Variants in BTRC observed in about 807,000 individuals in gnomAD.
BTRC encodes F-box/WD repeat-containing protein 1A.
A neutral mutation model predicts 85.5 loss-of-function variants in BTRC; 42 were observed. That is an observed-to-expected ratio of 0.49 (90% CI 0.38 to 0.64). BTRC has a LOEUF of 0.64. BTRC is among the 30% of genes least tolerant of loss of function. BTRC has a pLI of 0.00. For missense variants in BTRC, 594 were observed against 743.5 expected (o/e 0.80, Z 2.34); for synonymous variants, 255 against 263.3 (o/e 0.97, Z 0.30).
At position 101,366,986 on chromosome 10, in the gene BTRC, A is replaced by T. The variant is rs1181752245; in HGVS notation, c.48+12758A>T. ...TATATAAATATATATTTATATATTT[A>T]TATATATTAATATATATATTTATAT... is the stretch of plus-strand genomic sequence containing the variant. On this transcript the variant is annotated intron_variant, in intron 1 of 14. Transcript: ENST00000370187. Among the ~76,000 whole-genome samples the T allele has an allele frequency of 4.6e-5, 3 of 65,060 alleles. 1 individual carries two copies. Among genetic ancestry groups the T allele is most frequent in the Non-Finnish European group, 8.6e-5 (3 of 34,686 alleles). The allele number at this position is 65,060 out of a possible 152,430, so 42.7% of individuals were successfully genotyped here.
At chr10:101,467,936 T>A (rs1271949963) in intron 3 of BTRC, among the ~76,000 whole-genome samples, 2 of 152,228 alleles carry the variant, frequency 1.3e-5, no homozygotes, top group Non-Finnish European at 2.9e-5. Context: ...AATGTAGGTC[T>A]CTTAAGTAAG....
At chr10:101,509,563 T>A (rs1306876724) in intron 4 of BTRC, among the ~76,000 whole-genome samples, 1 of 150,068 alleles carries the variant, frequency 6.7e-6, no homozygotes. Context: ...CTTTTTTTTT[T>A]TTTTTTTGAG....
intron 3 of BTRC, among the ~76,000 whole-genome samples, chr10:101,467,926 A>C (rs1448626169): frequency 6.6e-6 from 1 of 152,208 alleles, no homozygotes; most frequent in African/African-American, 2.4e-5. Context: ...AAAGGTAATT[A>C]ATGTAGGTCT....
intron 4 of BTRC, among the ~76,000 whole-genome samples, chr10:101,502,392 G>GAA (rs71472576): frequency 1.4e-5 from 2 of 145,912 alleles, no homozygotes; most frequent in African/African-American, 5.0e-5. Context: ...GATTGAAAAT[G>GAA]AAAAAAAAAA....
intron 1 of BTRC, among the ~76,000 whole-genome samples, chr10:101,369,670 C>G (rs917007268): frequency 6.6e-6 from 1 of 152,174 alleles, no homozygotes; most frequent in Non-Finnish European, 1.5e-5. Flanking sequence ...AGCCATCATA[C>G]TGGACACACC....
intron 4 of BTRC, among the ~76,000 whole-genome samples, chr10:101,483,602 A>AT (rs1469782275): frequency 6.6e-6 from 1 of 152,140 alleles, no homozygotes; most frequent in Non-Finnish European, 1.5e-5. Flanking sequence ...CAAAAAAAAA[A>AT]CTGAAAATGT....
chr10:101,493,340 A>G (rs528117882), intron 4 of BTRC, among the ~76,000 whole-genome samples: 1 of 152,270 alleles, frequency 6.6e-6, no homozygotes, highest in Non-Finnish European at 1.5e-5. Flanking sequence ...TGTACTAGGC[A>G]TATACATTTT....
Position 101,534,731 on chromosome 10 carries a change from C to G in BTRC, c.1168C>G (p.Arg390Gly). The G allele has an allele frequency of 1.2e-6, 2 of 1,614,160 alleles. No homozygotes were observed. The highest frequency in any genetic ancestry group is 2.2e-5 in the East Asian group (1 of 44,880). Residue 390 changes from arginine to glycine, a missense_variant, in exon 10 of 15, where the codon CGT becomes GGT. Arg to Gly is a moderately radical substitution (Grantham distance 125). Around this residue, in one of 4 missense-constraint regions of BTRC, gnomAD observed 373 missense variants for 503.6 expected, o/e 0.74. Transcript: ENST00000370187. Reference protein sequence around the residue: ...IHHCEAVLHLRFNNGMMVTCS... With the variant: ...IHHCEAVLHLGFNNGMMVTCS... ...CCATTGTGAAGCAGTTCTGCACTTGCGTTTCAATAATGGCATGATGGTGAC... is the reference window on the plus strand; with the variant it reads ...CCATTGTGAAGCAGTTCTGCACTTGGGTTTCAATAATGGCATGATGGTGAC...
chr10:101,479,424 C>T lies in BTRC; in HGVS notation c.291C>T (p.Ser97=), dbSNP rs1945779968. 4 of 1,613,196 alleles carry T rather than the reference C, an allele frequency of 2.5e-6. No homozygotes were observed. The highest frequency in any genetic ancestry group is 1.3e-5 in the African/African-American group (1 of 74,910). ...ACCAAGAAACAGTATGTTTAGCAAG[C>T]ACTGCTATGAAGACTGAGAATTGTG... ...CLNQETVCLA[S]TAMKTENCVA... is the part of the protein sequence containing the mutation. The change falls in exon 4 of 15, where the codon AGC becomes AGT. Residue 97 remains serine (S), a synonymous_variant. Coordinates refer to ENST00000370187, the MANE Select transcript of BTRC (RefSeq NM_033637.4).
At chr10:101,400,221 A>G (rs762512554) in intron 1 of BTRC, among the ~76,000 whole-genome samples, 24 of 152,250 alleles carry the variant, frequency 1.6e-4, no homozygotes, top group Non-Finnish European at 2.5e-4. Context: ...ACTGCTGAAA[A>G]TGAGTTTCTT....
At chr10:101,484,246 T>C (rs951492423) in intron 4 of BTRC, among the ~76,000 whole-genome samples, 11 of 152,266 alleles carry the variant, frequency 7.2e-5, no homozygotes, top group Non-Finnish European at 1.6e-4. Context: ...CAGATTTTGA[T>C]AGAAGACTTG....
intron 1 of BTRC, among the ~76,000 whole-genome samples, chr10:101,427,789 A>T (rs1294533671): frequency 6.6e-6 from 1 of 152,086 alleles, no homozygotes; most frequent in East Asian, 1.9e-4. Context: ...CGCCCTCCCA[A>T]AGTGCTGGGA....
chr10:101,556,014 TCATGGATGGAAGGCCATTTGTA>T lies in BTRC; in HGVS notation c.*2896_*2917del, dbSNP rs1242776326. 1 of 152,202 alleles carries T rather than the reference TCATGGATGGAAGGCCATTTGTA, an allele frequency of 6.6e-6. No individual in the cohort carries two copies. Among genetic ancestry groups the T allele is most frequent in the Non-Finnish European group, 1.5e-5 (1 of 68,042 alleles). 9.4% of individuals were successfully genotyped at this position (152,202 alleles called of 1,614,324 possible). ...GGTGTGCAATTTGAAAGGATGTGAA[TCATGGATGGAAGGCCATTTGTA>T]CATGTCCCTTGGCAAAATTCTTTCT... On this transcript the variant is annotated 3_prime_UTR_variant, in exon 15 of 15. Coordinates refer to ENST00000370187, the MANE Select transcript of BTRC (RefSeq NM_033637.4).
At chr10:101,375,021 A>G (rs777534121) in intron 1 of BTRC, among the ~76,000 whole-genome samples, 3 of 152,140 alleles carry the variant, frequency 2.0e-5, no homozygotes, top group Non-Finnish European at 2.9e-5. Flanking sequence ...GGGGAAAAGA[A>G]ATTGACTAGG....
intron 4 of BTRC, among the ~76,000 whole-genome samples, chr10:101,480,450 T>C (rs755735107): frequency 3.3e-5 from 5 of 152,234 alleles, no homozygotes; most frequent in Non-Finnish European, 7.3e-5. Context: ...ATGAGAGCAC[T>C]AGCAGATTCA....
intron 3 of BTRC, among the ~76,000 whole-genome samples, chr10:101,463,148 C>T (rs533666954): frequency 2.6e-5 from 4 of 151,980 alleles, no homozygotes; most frequent in African/African-American, 9.7e-5. Context: ...AGGGTTCAAG[C>T]GACTCTTCTG....
At chr10:101,405,748 A>G (rs1255409266) in intron 1 of BTRC, among the ~76,000 whole-genome samples, 1 of 152,188 alleles carries the variant, frequency 6.6e-6, no homozygotes, top group Non-Finnish European at 1.5e-5. Flanking sequence ...ACTCCATCTT[A>G]CATGGAACTA....
In BTRC at chr10:101,430,444, G is replaced by A; in HGVS notation, c.148G>A (p.Ala50Thr). The change falls in exon 2 of 15, where the codon GCT (alanine) becomes ACT (threonine). Residue 50 changes from alanine (A) to threonine (T), a missense_variant. This residue lies in a region of BTRC where 163 missense variants were observed against 180.5 expected (regional missense o/e 0.90). Transcript: ENST00000370187. ...LYNPGTGALT[A>T]FQNSSEREDC... ...TAACCCAGGGACTGGCGCACTCACA[G>A]CTTTCCAGGTACTTTCTCTGTCTCT... The A allele has an allele frequency of 6.2e-7, 1 of 1,613,718 alleles. No homozygotes were observed. Among genetic ancestry groups the A allele is most frequent in the Non-Finnish European group, 8.5e-7 (1 of 1,179,772 alleles).
At chr10:101,481,264 C>A (rs1177616083) in intron 4 of BTRC, among the ~76,000 whole-genome samples, 2 of 152,182 alleles carry the variant, frequency 1.3e-5, no homozygotes, top group Non-Finnish European at 2.9e-5. Flanking sequence ...TTATATCCTG[C>A]TTTTGTGCAT....
Sources: gnomAD v4.1 joint callset for allele counts (sites outside exome capture counted in the v4.1 genomes callset) on GRCh38, gnomAD v4.1.1 for gene constraint, gnomAD v4.1.1 regional missense constraint, MANE v1.5 for transcripts, NCBI Gene and HGNC (gene_info 2026-07-23, HGNC 2026-07-21) for gene names.